Variants in KIF13B observed in about 807,000 individuals in gnomAD.
The protein encoded by KIF13B is kinesin-like protein KIF13B.
A neutral mutation model predicts 222.0 loss-of-function variants in KIF13B; 127 were observed. That is an observed-to-expected ratio of 0.57 (90% CI 0.50 to 0.66). The LOEUF is 0.66. KIF13B is among the 30% of genes least tolerant of loss of function. The pLI is 0.00. For missense variants in KIF13B, 2,173 were observed against 2,379.0 expected (o/e 0.91, Z 1.80); for synonymous variants, 976 against 919.0 (o/e 1.06, Z -1.12).
intron 10 of KIF13B, among the ~76,000 whole-genome samples, chr8:29,173,596 T>C (rs771711361): frequency 6.6e-6 from 1 of 151,334 alleles, no homozygotes; most frequent in Non-Finnish European, 1.5e-5. Context: ...CACTCTAGCC[T>C]GGACAACAGA....
intron 14 of KIF13B, among the ~76,000 whole-genome samples, chr8:29,153,352 A>G (rs1811382066): frequency 6.6e-6 from 1 of 152,214 alleles, no homozygotes; most frequent in Non-Finnish European, 1.5e-5. Flanking sequence ...GACCTATATT[A>G]AAGTCTTCGG....
intron 37 of KIF13B, among the ~76,000 whole-genome samples, chr8:29,081,210 CT>C (rs1318758744): frequency 6.6e-6 from 1 of 152,196 alleles, no homozygotes; most frequent in African/African-American, 2.4e-5. Flanking sequence ...TTTAACCGTG[CT>C]TTCTCAACGG....
At chr8:29,234,785 G>C (rs1815434662) in intron 2 of KIF13B, among the ~76,000 whole-genome samples, 1 of 149,750 alleles carries the variant, frequency 6.7e-6, no homozygotes, top group Admixed American at 6.7e-5. Flanking sequence ...AAGCCAGTAA[G>C]AATCTACACC....
chr8:29,193,790 A>G (rs1457698148), intron 3 of KIF13B, among the ~76,000 whole-genome samples: 1 of 152,220 alleles, frequency 6.6e-6, no homozygotes, highest in Non-Finnish European at 1.5e-5. Context: ...GATGCTATGT[A>G]AATAGTTGTC....
At chr8:29,221,193 C>A (rs529060932) in intron 2 of KIF13B, among the ~76,000 whole-genome samples, 2 of 150,418 alleles carry the variant, frequency 1.3e-5, no homozygotes, top group African/African-American at 2.4e-5. Flanking sequence ...ACCTCCACCC[C>A]CCAGGTTCAA....
At chr8:29,096,365 T>C (rs1028653201) in intron 36 of KIF13B, among the ~76,000 whole-genome samples, 19 of 150,732 alleles carry the variant, frequency 1.3e-4, no homozygotes, top group Non-Finnish European at 2.4e-4. Context: ...AGTGATGCAA[T>C]TGTGCCTCAC....
Position 29,070,540 on chromosome 8 carries a change from G to A in KIF13B, c.5445C>T (p.His1815=). 1 of 1,609,972 alleles carries A rather than the reference G, an allele frequency of 6.2e-7. No homozygotes were observed. Among genetic ancestry groups the A allele is most frequent in the Non-Finnish European group, 8.5e-7 (1 of 1,178,678 alleles). ...TAALAKADRS[H]KNPENRKSWA... ...AGGATTTCCGGTTCTCAGGGTTCTTGTGGCTCCTGTCGGCCTTGGCCAGGG... is the reference window on the plus strand; with the variant it reads ...AGGATTTCCGGTTCTCAGGGTTCTTATGGCTCCTGTCGGCCTTGGCCAGGG... The change falls in exon 40 of 40, where the codon CAC becomes CAT. Residue 1815 remains histidine, a synonymous_variant. Transcript: ENST00000524189. This position sits in a 1 kb window ranked among gnomAD's most constrained non-coding sequence, Gnocchi z 4.1.
rs57731633 is a variant in KIF13B at position 29,120,166 on chromosome 8, G to GT, written c.3536-1175dup. Among the ~76,000 whole-genome samples the GT allele has an allele frequency of 4.5e-3, 462 of 102,182 alleles. 8 individuals are homozygous for GT. Among genetic ancestry groups the GT allele is most frequent in the East Asian group, 0.04 (144 of 3,568 alleles). The allele number at this position is 102,182 out of a possible 152,430, so 67.0% of individuals were successfully genotyped here. On this transcript the variant is annotated intron_variant, in intron 29 of 39. Transcript: ENST00000524189. ...GTGAGTGGGAAACAGAAAAATGACAGTTTTTTTTTTTTTTTTTTTTTTTTT... is the reference window on the plus strand; with the variant it reads ...GTGAGTGGGAAACAGAAAAATGACAGTTTTTTTTTTTTTTTTTTTTTTTTTT...
At chr8:29,113,394 G>T in intron 32 of KIF13B, 69 bp downstream of exon 32, 1 of 893,484 alleles carries the variant, frequency 1.1e-6, no homozygotes, top group Non-Finnish European at 1.8e-6. Flanking sequence ...TCATGGGTAG[G>T]TCACTTTTCA....
chr8:29,086,684 A>G (rs540217017), intron 37 of KIF13B, among the ~76,000 whole-genome samples: 12 of 152,214 alleles, frequency 7.9e-5, no homozygotes, highest in African/African-American at 2.9e-4. Context: ...TCACATTATA[A>G]CCCTTAAGCG....
chr8:29,250,288 T>C (rs1046658235), intron 1 of KIF13B, among the ~76,000 whole-genome samples: 5 of 152,190 alleles, frequency 3.3e-5, no homozygotes, highest in Non-Finnish European at 1.5e-5. Flanking sequence ...AATAGTGCAG[T>C]TCCTTCATTT....
chr8:29,255,564 A>T (rs1816442897), intron 1 of KIF13B, among the ~76,000 whole-genome samples: 1 of 151,894 alleles, frequency 6.6e-6, no homozygotes. Context: ...TATCTCCCCA[A>T]AACTTTTTTT....
chr8:29,153,954 T>C (rs1811407545), intron 14 of KIF13B, among the ~76,000 whole-genome samples: 1 of 152,250 alleles, frequency 6.6e-6, no homozygotes, highest in African/African-American at 2.4e-5. Context: ...TGTGTATGCA[T>C]ACATGCAAAA....
Position 29,142,206 on chromosome 8 carries a change from T to G in KIF13B, c.2285A>C (p.Asp762Ala). Reference protein sequence around the residue: ...SLEKLDNRLLDMRDLYQEWKE... With the variant: ...SLEKLDNRLLAMRDLYQEWKE... ...CCACTCCTGATAAAGGTCTCTCATA[T>G]CCAACAGCCTGTTGTCCAGTTTTTC... The change falls in exon 19 of 40, where the codon GAT becomes GCT. Residue 762 changes from aspartate (D) to alanine (A), a missense_variant. By Grantham distance (126) the Asp-to-Ala change is moderately radical. This residue lies in a region of KIF13B where 1,480 missense variants were observed against 1,722.8 expected (regional missense o/e 0.86). Coordinates refer to ENST00000524189, the MANE Select transcript of KIF13B (RefSeq NM_015254.4). The G allele has an allele frequency of 1.2e-6, 2 of 1,613,736 alleles. No homozygotes were observed. Among genetic ancestry groups the G allele is most frequent in the Non-Finnish European group, 1.7e-6 (2 of 1,179,638 alleles).
chr8:29,183,521 C>T (rs1812805504), intron 6 of KIF13B, among the ~76,000 whole-genome samples: 1 of 152,188 alleles, frequency 6.6e-6, no homozygotes, highest in Non-Finnish European at 1.5e-5. Context: ...GCTTGCTACG[C>T]ATGCTCCTTT....
intron 2 of KIF13B, among the ~76,000 whole-genome samples, chr8:29,228,472 A>AATATATATATATATATATATAT (rs1491523107): frequency 8.5e-5 from 10 of 117,084 alleles, no homozygotes; most frequent in Non-Finnish European, 1.8e-4. Flanking sequence ...ATCTTAAAAA[A>AATATATATATATATATATATAT]ATATATATAT....
intron 10 of KIF13B, among the ~76,000 whole-genome samples, chr8:29,171,902 T>A (rs1307391960): frequency 7.0e-6 from 1 of 142,020 alleles, no homozygotes; most frequent in South Asian, 2.2e-4. Context: ...GGATTACAGG[T>A]GCACACCACT....
chr8:29,091,057 G>A (rs1808278263), intron 37 of KIF13B, among the ~76,000 whole-genome samples: 3 of 152,198 alleles, frequency 2.0e-5, no homozygotes, highest in African/African-American at 7.2e-5. Context: ...ATATTTGTAT[G>A]AGGCCAGTTT....
At chr8:29,151,035 T>C (rs1811275422) in intron 14 of KIF13B, among the ~76,000 whole-genome samples, 1 of 152,214 alleles carries the variant, frequency 6.6e-6, no homozygotes, top group Non-Finnish European at 1.5e-5. Context: ...GGCCAAGCTG[T>C]GAGTGCACAT....
Sources: allele counts gnomAD v4.1 joint callset (sites outside exome capture counted in the v4.1 genomes callset), GRCh38; gene constraint gnomAD v4.1.1; regional missense constraint gnomAD v4.1.1; non-coding constraint Gnocchi (gnomAD v3.1); transcripts MANE v1.5; gene names NCBI Gene and HGNC (gene_info 2026-07-23, HGNC 2026-07-21).